DAAM2: variants seen among roughly 807,000 people sequenced by gnomAD.
DAAM2 encodes dishevelled associated activator of morphogenesis 2.
DAAM2 carries 39 observed loss-of-function variants against 120.7 expected under a neutral mutation model. That is an observed-to-expected ratio of 0.32 (90% CI 0.25 to 0.42). The LOEUF is 0.42. Ranked by LOEUF, DAAM2 falls within the 10% of genes least tolerant of loss-of-function variation. The probability of loss-of-function intolerance (pLI) is 1.00; values close to 1 mark genes in which losing one functional copy is unlikely to be tolerated. For synonymous variants in DAAM2, 488 were observed against 524.9 expected, an observed-to-expected ratio of 0.93 and a Z score of 0.96; for missense variants, 1,283 against 1,401.7, an observed-to-expected ratio of 0.92 and a Z score of 1.35.
chr6:39,896,103 A>G (rs1340881545), intron 19 of DAAM2, among the ~76,000 whole-genome samples: 1 of 152,228 alleles, frequency 6.6e-6, no homozygotes, highest in East Asian at 1.9e-4. Context: ...CAATCCCATA[A>G]TAGGTAAAAT....
chr6:39,867,970 T>C, intron 6 of DAAM2, 127 bp downstream of exon 6: 1 of 839,544 alleles, frequency 1.2e-6, no homozygotes. Flanking sequence ...TCTGCATGCC[T>C]GCTCCTGGAA....
chr6:39,806,282 T>C (rs1282905339), intron 1 of DAAM2, among the ~76,000 whole-genome samples: 1 of 152,174 alleles, frequency 6.6e-6, no homozygotes, highest in African/African-American at 2.4e-5. Flanking sequence ...TAGAAGGACA[T>C]TGTGGAGTCT....
chr6:39,901,199 C>T lies in DAAM2; in HGVS notation c.2812-103C>T. 2 of 1,058,954 alleles carry T rather than the reference C, an allele frequency of 1.9e-6. No homozygotes were observed. The highest frequency in any genetic ancestry group is 2.8e-6 in the Non-Finnish European group (2 of 714,920). The allele number at this position is 1,058,954 out of a possible 1,614,324, so 65.6% of individuals were successfully genotyped here. A position where few individuals can be genotyped will look rare whatever the true frequency, so the allele number is the denominator to read the frequency against. On this transcript the variant is annotated intron_variant, in intron 23 of 24. Coordinates refer to ENST00000274867, the MANE Select transcript of DAAM2 (RefSeq NM_001201427.2). The surrounding 1 kb of genome is among the most constrained non-coding windows in gnomAD (Gnocchi z 4.5). Reference sequence around the variant, plus strand: ...TGCCCCCTGTGCCAACAGTCCCCAGCCTTGCGCTGGGCTCTGCTCTGGCTA... The same window carrying T: ...TGCCCCCTGTGCCAACAGTCCCCAGTCTTGCGCTGGGCTCTGCTCTGGCTA...
chr6:39,865,074 G>A lies in DAAM2; in HGVS notation c.428G>A (p.Arg143Lys), dbSNP rs760428379. ...ACAGCCCTCCGGACACAGCCTATGA[G>A]GTAATTCAGTTTCCCCCTCTTGCTT... Reference protein sequence around the residue: ...LKTALRTQPMRFVTRFIELEG... With the variant: ...LKTALRTQPMKFVTRFIELEG... Residue 143 changes from arginine (R) to lysine (K), a missense_variant and splice_region_variant, in exon 5 of 25, where the codon AGG becomes AAG. Arg to Lys is a conservative substitution (Grantham distance 26). Around this residue, in one of 3 missense-constraint regions of DAAM2, gnomAD observed 197 missense variants for 189.3 expected, o/e 1.04. Transcript: ENST00000274867. 15 of 1,531,760 alleles carry A rather than the reference G, an allele frequency of 9.8e-6. No individual in the cohort carries two copies. Among genetic ancestry groups the A allele is most frequent in the Non-Finnish European group, 1.3e-5 (15 of 1,114,644 alleles). 94.9% of individuals were successfully genotyped at this position (1,531,760 alleles called of 1,614,324 possible).
intron 1 of DAAM2, among the ~76,000 whole-genome samples, chr6:39,827,920 C>A (rs1031932346): frequency 3.3e-5 from 5 of 152,102 alleles, no homozygotes; most frequent in African/African-American, 1.2e-4. Context: ...CCTGAAGGCT[C>A]ATACCTGGGG....
chr6:39,836,730 G>T (rs1021851228), intron 1 of DAAM2, among the ~76,000 whole-genome samples: 1 of 152,118 alleles, frequency 6.6e-6, no homozygotes, highest in Non-Finnish European at 1.5e-5. Flanking sequence ...ATCTGGCTCC[G>T]ACCTGGCTGC....
chr6:39,865,090 C>T lies in DAAM2; in HGVS notation c.428+16C>T. On this transcript the variant is annotated intron_variant, in intron 5 of 24. Coordinates refer to ENST00000274867, the MANE Select transcript of DAAM2 (RefSeq NM_001201427.2). ...AGCCTATGAGGTAATTCAGTTTCCC[C>T]CTCTTGCTTCCTGCTGAGTCCCTTC... The T allele has an allele frequency of 7.1e-7, 1 of 1,408,558 alleles. No homozygotes were observed. 87.3% of individuals were successfully genotyped at this position (1,408,558 alleles called of 1,614,324 possible).
chr6:39,871,300 G>T (rs1356240913), intron 8 of DAAM2, among the ~76,000 whole-genome samples: 1 of 152,160 alleles, frequency 6.6e-6, no homozygotes, highest in Admixed American at 6.5e-5. Flanking sequence ...CCCTGGATTG[G>T]CCTCCCTGAA....
At chr6:39,886,321 C>G (rs1338443072) in intron 15 of DAAM2, 2 of 397,808 alleles carry the variant, frequency 5.0e-6, no homozygotes, top group Non-Finnish European at 4.4e-6. Context: ...AGTGTAGATG[C>G]TGAGGGATCC....
chr6:39,866,172 G>C (rs1440280175), intron 5 of DAAM2, among the ~76,000 whole-genome samples: 2 of 152,170 alleles, frequency 1.3e-5, no homozygotes, highest in African/African-American at 2.4e-5. Flanking sequence ...GGTAGTGGTG[G>C]GGCTCTGGAA....
Position 39,881,147 on chromosome 6 carries a change from G to A in DAAM2, c.1845+1670G>A, listed in dbSNP as rs145334745. On this transcript the variant is annotated intron_variant, in intron 14 of 24. Transcript: ENST00000274867. ...ACATTTTCATCATATGAAGCTGTGT[G>A]CTCAGGAGTTTCTCTGGGTCCAGTA... Among the ~76,000 whole-genome samples the A allele has an allele frequency of 7.2e-5, 11 of 152,336 alleles. No individual in the cohort carries two copies. In the East Asian group the frequency reaches 1.7e-3, roughly 24 times the overall value.
intron 5 of DAAM2, among the ~76,000 whole-genome samples, chr6:39,865,486 C>T (rs76533477): frequency 0.016 from 2,490 of 152,248 alleles, 60 homozygotes; most frequent in African/African-American, 0.054. Flanking sequence ...AGTACTCCAA[C>T]CACTAGGGGG....
At chr6:39,861,086 A>C (rs2504098) in intron 3 of DAAM2, 69 bp downstream of exon 3, 702,767 of 1,181,114 alleles carry the variant, frequency 0.6, 209,250 homozygotes, top group African/African-American at 0.73. Context: ...CTGCCTTGGC[A>C]TGCTCATGCA....
At chr6:39,881,376 T>G (rs1222988946) in intron 14 of DAAM2, among the ~76,000 whole-genome samples, 2 of 152,358 alleles carry the variant, frequency 1.3e-5, no homozygotes, top group Admixed American at 6.5e-5. Context: ...ATGGAATCAT[T>G]TGGACTTCAG....
intron 20 of DAAM2, 55 bp from the exon 21 acceptor site, chr6:39,897,120 A>G: frequency 6.5e-7 from 1 of 1,535,136 alleles, no homozygotes; most frequent in Non-Finnish European, 9.0e-7. Flanking sequence ...TGACCCTCTG[A>G]CCCTCGTGCC....
At position 39,878,882 on chromosome 6, in the gene DAAM2, T is replaced by G. The variant is rs1234085849; in HGVS notation, c.1545+294T>G. On this transcript the variant is annotated intron_variant, in intron 13 of 24. Transcript: ENST00000274867. The surrounding 1 kb of genome is among the most constrained non-coding windows in gnomAD (Gnocchi z 5.0). Reference sequence around the variant, plus strand: ...TCAGCTGGAGATCTTGTGCAGTCAGTAACCTACACAACTGCATAGATCAGT... The same window carrying G: ...TCAGCTGGAGATCTTGTGCAGTCAGGAACCTACACAACTGCATAGATCAGT... Among the ~76,000 whole-genome samples the G allele has an allele frequency of 1.3e-5, 2 of 152,190 alleles. No individual in the cohort carries two copies. The highest frequency in any genetic ancestry group is 2.9e-5 in the Non-Finnish European group (2 of 68,022).
chr6:39,881,618 G>A (rs1342367080), intron 14 of DAAM2, among the ~76,000 whole-genome samples: 2 of 152,192 alleles, frequency 1.3e-5, no homozygotes, highest in African/African-American at 4.8e-5. Context: ...TCTGGAGGCT[G>A]AGGCAGGAGA....
At chr6:39,819,442 G>A (rs1762414491) in intron 1 of DAAM2, 1 of 152,184 alleles carries the variant, frequency 6.6e-6, no homozygotes, top group African/African-American at 2.4e-5. Context: ...AAGTTCAAAT[G>A]AGGTAACTCA....
At chr6:39,825,313 C>T (rs1433598674) in intron 1 of DAAM2, among the ~76,000 whole-genome samples, 3 of 151,822 alleles carry the variant, frequency 2.0e-5, no homozygotes, top group South Asian at 2.1e-4. Context: ...TGCTTGAACC[C>T]GGGAGGTGGA....
Sources: allele counts gnomAD v4.1 joint callset (sites outside exome capture counted in the v4.1 genomes callset), GRCh38; gene constraint gnomAD v4.1.1; regional missense constraint gnomAD v4.1.1; non-coding constraint Gnocchi (gnomAD v3.1); transcripts MANE v1.5; gene names NCBI Gene and HGNC (gene_info 2026-07-23, HGNC 2026-07-21).